The following WHRN variants were observed in gnomAD, a reference collection of about 807,000 sequenced individuals.
The protein encoded by WHRN is CASK-interacting protein CIP98.
WHRN carries 41 observed loss-of-function variants against 68.3 expected under a neutral mutation model. The observed-to-expected ratio is 0.60, with a 90% CI of 0.47 to 0.78. The LOEUF is 0.78. Ranked by LOEUF, WHRN falls within the 30% of genes least tolerant of loss-of-function variation. WHRN has a pLI of 0.00. For synonymous variants in WHRN, 560 were observed against 561.3 expected, an observed-to-expected ratio of 1.00 and a Z score of 0.03; for missense variants, 1,243 against 1,244.7, an observed-to-expected ratio of 1.00 and a Z score of 0.02.
chr9:114,472,247 T>C (rs531579348), intron 2 of WHRN, among the ~76,000 whole-genome samples: 1 of 152,300 alleles, frequency 6.6e-6, no homozygotes, highest in Non-Finnish European at 1.5e-5. Context: ...GTCCCTCCTC[T>C]GCTCAAAGCT....
At chr9:114,487,943 T>A (rs533853433) in intron 1 of WHRN, among the ~76,000 whole-genome samples, 15 of 152,306 alleles carry the variant, frequency 9.8e-5, no homozygotes, top group African/African-American at 3.4e-4. Flanking sequence ...AGCTCCCAGT[T>A]TAGGCAGATC....
rs77851332 is a variant in WHRN at position 114,406,085 on chromosome 9, C to T, written c.2236+270G>A. Among the ~76,000 whole-genome samples, 151 of 152,312 alleles carry T rather than the reference C, an allele frequency of 9.9e-4. 2 individuals are homozygous for T. In the East Asian group the frequency reaches 0.026, roughly 26 times the overall value. ...GTAGGGGGAGCTGGAGAAGGCACCC[C>T]GACGCTCGCAGCAACCTGGCAGGAC... On this transcript the variant is annotated intron_variant, in intron 9 of 11. Coordinates refer to ENST00000362057, the MANE Select transcript of WHRN (RefSeq NM_015404.4).
intron 3 of WHRN, among the ~76,000 whole-genome samples, chr9:114,448,530 G>A (rs1378721221): frequency 6.6e-6 from 1 of 152,166 alleles, no homozygotes; most frequent in Non-Finnish European, 1.5e-5. Context: ...ACTTGTGACA[G>A]CTTTAAACAA....
chr9:114,430,008 G>GT (rs537410855), intron 3 of WHRN, among the ~76,000 whole-genome samples: 70 of 152,378 alleles, frequency 4.6e-4, no homozygotes, highest in African/African-American at 1.7e-3. Flanking sequence ...CAAGGGCTTT[G>GT]TTTCCTTAAG....
chr9:114,441,634 G>T (rs1211794971), intron 3 of WHRN, among the ~76,000 whole-genome samples: 1 of 152,172 alleles, frequency 6.6e-6, no homozygotes, highest in African/African-American at 2.4e-5. Context: ...TGAAGGCTCT[G>T]CCATATCCAA....
At chr9:114,450,836 C>CA (rs796198475) in intron 3 of WHRN, among the ~76,000 whole-genome samples, 68 of 149,884 alleles carry the variant, frequency 4.5e-4, no homozygotes, top group African/African-American at 6.9e-4. Context: ...TCCCCCCCCG[C>CA]AAAAAAATAC....
Position 114,406,731 on chromosome 9 carries a change from G to T in WHRN, c.1860C>A (p.Val620=), listed in dbSNP as rs545711776. ...GGCTGCGGTTCTGTGGAGCCGAGAA[G>T]ACAGTGCCCGAGCAGGAAGGCATGG... ...PSSMPSCSGT[V]FSAPQNRSPP... The change falls in exon 9 of 12, where the codon GTC becomes GTA. Residue 620 remains valine, a synonymous_variant. Coordinates refer to ENST00000362057, the MANE Select transcript of WHRN (RefSeq NM_015404.4). 6.2e-7 allele frequency: 1 copy of T among 1,614,170 alleles called. No individual in the cohort carries two copies. The highest frequency in any genetic ancestry group is 8.5e-7 in the Non-Finnish European group (1 of 1,180,032).
intron 8 of WHRN, among the ~76,000 whole-genome samples, chr9:114,407,359 C>T (rs947903591): frequency 6.6e-6 from 1 of 152,118 alleles, no homozygotes; most frequent in African/African-American, 2.4e-5. Context: ...AGGCACAACA[C>T]CTCTCTGAGT....
chr9:114,452,823 C>T (rs1338501304), intron 3 of WHRN, among the ~76,000 whole-genome samples: 1 of 152,204 alleles, frequency 6.6e-6, no homozygotes, highest in Admixed American at 6.5e-5. Flanking sequence ...TGCCAACCCT[C>T]CATTTCACAC....
At position 114,446,663 on chromosome 9, in the gene WHRN, G is replaced by A. The variant is rs1358787425; in HGVS notation, c.963+19604C>T. 2.0e-5 allele frequency among the ~76,000 whole-genome samples: 3 copies of A among 152,088 alleles called. No homozygotes were observed. In the East Asian group the frequency reaches 5.8e-4, roughly 29 times the overall value. On this transcript the variant is annotated intron_variant, in intron 3 of 11. Transcript: ENST00000362057. ...AAACTCAAAACAAACAAAGGGTCTG[G>A]CTCAAACCCTTTGAGGTTTTTGGGC... is the stretch of plus-strand genomic sequence containing the variant.
At chr9:114,473,811 GGGCCCCA>G (rs1841438407) in intron 2 of WHRN, among the ~76,000 whole-genome samples, 1 of 152,214 alleles carries the variant, frequency 6.6e-6, no homozygotes, top group South Asian at 2.1e-4. Flanking sequence ...TGCTCTGCAA[GGGCCCCA>G]GGCTGAGCCA....
intron 3 of WHRN, among the ~76,000 whole-genome samples, chr9:114,462,398 G>A (rs549223709): frequency 6.6e-4 from 100 of 152,224 alleles, no homozygotes; most frequent in African/African-American, 2.2e-3. Flanking sequence ...AGAAGTCCTC[G>A]GAGATCATCT....
At chr9:114,486,895 T>TGTAGA (rs1842528081) in intron 1 of WHRN, among the ~76,000 whole-genome samples, 10 of 101,660 alleles carry the variant, frequency 9.8e-5, no homozygotes, top group African/African-American at 3.6e-4. Context: ...AGTGTGTGTG[T>TGTAGA]GTGTGTGTGT....
At chr9:114,428,782 C>G (rs538637966) in intron 3 of WHRN, among the ~76,000 whole-genome samples, 25 of 152,032 alleles carry the variant, frequency 1.6e-4, no homozygotes, top group African/African-American at 5.8e-4. Flanking sequence ...CTTTACCCCC[C>G]TGAGCAGATC....
At chr9:114,481,557 C>A (rs1045599847) in intron 1 of WHRN, among the ~76,000 whole-genome samples, 1 of 152,136 alleles carries the variant, frequency 6.6e-6, no homozygotes, top group African/African-American at 2.4e-5. Context: ...GCCACCACAT[C>A]CTCCATGGCC....
chr9:114,429,786 G>A (rs1370697217), intron 3 of WHRN, among the ~76,000 whole-genome samples: 2 of 152,196 alleles, frequency 1.3e-5, no homozygotes, highest in Non-Finnish European at 2.9e-5. Context: ...GCTGGCTTTC[G>A]CTGATGCTAA....
At chr9:114,443,249 A>G (rs1435525437) in intron 3 of WHRN, among the ~76,000 whole-genome samples, 1 of 152,254 alleles carries the variant, frequency 6.6e-6, no homozygotes, top group Non-Finnish European at 1.5e-5. Flanking sequence ...ACCAATCACC[A>G]CAAACTCAGT....
Position 114,407,726 on chromosome 9 carries a change from G to A in WHRN, c.1698+221C>T, listed in dbSNP as rs1031234277. Among the ~76,000 whole-genome samples the A allele has an allele frequency of 5.3e-5, 8 of 152,312 alleles. No individual in the cohort carries two copies. In the South Asian group the frequency reaches 6.2e-4, roughly 12 times the overall value. On this transcript the variant is annotated intron_variant, in intron 8 of 11. Coordinates refer to ENST00000362057, the MANE Select transcript of WHRN (RefSeq NM_015404.4). ...TGTGGCCAGCCAGCCTGAAGGCCCC[G>A]CCTGAAGTCACCAGAGGCAAGTGAT...
chr9:114,493,492 C>G (rs1843181546), intron 1 of WHRN, among the ~76,000 whole-genome samples: 1 of 152,030 alleles, frequency 6.6e-6, no homozygotes, highest in Non-Finnish European at 1.5e-5. Flanking sequence ...TCTGTGACAG[C>G]AGAGTTAATG....
Sources: allele counts gnomAD v4.1 joint callset (sites outside exome capture counted in the v4.1 genomes callset), GRCh38; gene constraint gnomAD v4.1.1; transcripts MANE v1.5; gene names NCBI Gene and HGNC (gene_info 2026-07-23, HGNC 2026-07-21).